Variants in DOCK1 observed in about 807,000 individuals in gnomAD.
DOCK1 encodes dedicator of cytokinesis 1.
DOCK1 carries 138 observed loss-of-function variants against 262.7 expected under a neutral mutation model. The ratio of observed to expected loss-of-function variants is 0.53; its 90% CI spans 0.46 to 0.61. DOCK1 has a LOEUF of 0.61. Ranked by LOEUF, DOCK1 falls within the 20% of genes least tolerant of loss-of-function variation. DOCK1 has a pLI of 0.00. For synonymous variants in DOCK1, 866 were observed against 867.4 expected, an observed-to-expected ratio of 1.00 and a Z score of 0.03; for missense variants, 1,908 against 2,370.7, an observed-to-expected ratio of 0.80 and a Z score of 4.05.
chr10:127,004,906 C>G (rs940234137), intron 10 of DOCK1, among the ~76,000 whole-genome samples: 1 of 152,096 alleles, frequency 6.6e-6, no homozygotes. Context: ...TTTGCTGCCA[C>G]CAGACTACCT....
At chr10:127,335,407 A>C (rs2063146754) in intron 29 of DOCK1, among the ~76,000 whole-genome samples, 1 of 152,190 alleles carries the variant, frequency 6.6e-6, no homozygotes, top group Admixed American at 6.5e-5. Flanking sequence ...CCTCCCATCC[A>C]AACACTTGGC....
At chr10:127,062,544 CT>C (rs1247628606) in intron 23 of DOCK1, among the ~76,000 whole-genome samples, 1 of 152,186 alleles carries the variant, frequency 6.6e-6, no homozygotes, top group East Asian at 1.9e-4. Context: ...GAAGGGCTTC[CT>C]GTGGCTGAGC....
intron 29 of DOCK1, among the ~76,000 whole-genome samples, chr10:127,282,098 G>A (rs1217302465): frequency 6.6e-6 from 1 of 152,186 alleles, no homozygotes; most frequent in Non-Finnish European, 1.5e-5. Flanking sequence ...GCCATCCTGG[G>A]CCACATGTGA....
chr10:127,404,250 A>C (rs1461265482), intron 39 of DOCK1, 75 bp from the exon 40 acceptor site: 1 of 1,292,886 alleles, frequency 7.7e-7, no homozygotes, highest in Admixed American at 2.0e-5. Flanking sequence ...GCTTTTAAAG[A>C]GCCCGCAAGA....
intron 29 of DOCK1, among the ~76,000 whole-genome samples, chr10:127,260,780 G>GGT (rs754489261): frequency 1.2e-5 from 1 of 81,752 alleles, no homozygotes; most frequent in African/African-American, 5.3e-5. Flanking sequence ...TGTGCATGTG[G>GGT]GTGTGTGTGT....
At chr10:127,449,577 T>A (rs998386100) in intron 51 of DOCK1, among the ~76,000 whole-genome samples, 1 of 152,148 alleles carries the variant, frequency 6.6e-6, no homozygotes, top group Non-Finnish European at 1.5e-5. Context: ...GTGTCTTTGG[T>A]CTTTGTTTCT....
rs34450374 is a variant in DOCK1 at position 127,206,136 on chromosome 10, C to CTTTTTT, written c.2848-41852_2848-41847dup. On this transcript the variant is annotated intron_variant, in intron 27 of 51. Coordinates refer to ENST00000623213, the MANE Select transcript of DOCK1 (RefSeq NM_001290223.2). ...GTCATCTACCATATATTCTTCTTCTCTTTTTTTTTTTTTTTTTTTTTTTTT... is the reference window on the plus strand; with the variant it reads ...GTCATCTACCATATATTCTTCTTCTCTTTTTTTTTTTTTTTTTTTTTTTTTTTTTTT... Among the ~76,000 whole-genome samples, 402 of 78,730 alleles carry CTTTTTT rather than the reference C, an allele frequency of 5.1e-3. 1 individual carries two copies. The highest frequency in any genetic ancestry group is 6.3e-3 in the South Asian group (10 of 1,594). 51.6% of individuals were successfully genotyped at this position (78,730 alleles called of 152,430 possible). A position where few individuals can be genotyped will look rare whatever the true frequency, so the allele number is the denominator to read the frequency against.
At chr10:126,919,823 C>G (rs1436924515) in intron 1 of DOCK1, among the ~76,000 whole-genome samples, 2 of 152,244 alleles carry the variant, frequency 1.3e-5, no homozygotes, top group Non-Finnish European at 2.9e-5. Context: ...CTGTTGCTTT[C>G]TCTCTTCCCA....
chr10:127,423,467 A>AC (rs1398983384), intron 46 of DOCK1, among the ~76,000 whole-genome samples: 1 of 152,164 alleles, frequency 6.6e-6, no homozygotes, highest in Non-Finnish European at 1.5e-5. Context: ...GTCAGGGTGC[A>AC]CACTGTGTGG....
chr10:127,389,929 G>T (rs537580058), intron 38 of DOCK1, among the ~76,000 whole-genome samples: 15 of 151,572 alleles, frequency 9.9e-5, no homozygotes, highest in African/African-American at 3.4e-4. Flanking sequence ...CATGAGAATC[G>T]CTTGAACCTG....
At chr10:127,410,642 GA>G (rs2067790252) in intron 42 of DOCK1, among the ~76,000 whole-genome samples, 197 bp from the exon 43 acceptor site, 2 of 152,166 alleles carry the variant, frequency 1.3e-5, no homozygotes, top group South Asian at 4.1e-4. Context: ...GGACAGGGAA[GA>G]GGCAAAAACT....
intron 22 of DOCK1, among the ~76,000 whole-genome samples, chr10:127,058,470 C>G (rs2045318826): frequency 6.6e-6 from 1 of 152,094 alleles, no homozygotes; most frequent in African/African-American, 2.4e-5. Context: ...GTCTGACAAG[C>G]TTCTTAATTG....
intron 27 of DOCK1, among the ~76,000 whole-genome samples, chr10:127,144,636 T>C (rs956557770): frequency 2.0e-5 from 3 of 152,236 alleles, no homozygotes; most frequent in East Asian, 1.9e-4. Context: ...ATTCTGTCTA[T>C]AGAATTTGTT....
intron 29 of DOCK1, among the ~76,000 whole-genome samples, chr10:127,308,045 C>G (rs1052323132): frequency 1.3e-5 from 2 of 152,230 alleles, no homozygotes; most frequent in Admixed American, 1.3e-4. Context: ...CTTCTTTCTG[C>G]TGGATGACGT....
At chr10:127,295,464 A>T (rs764411639) in intron 29 of DOCK1, among the ~76,000 whole-genome samples, 4 of 152,116 alleles carry the variant, frequency 2.6e-5, no homozygotes, top group Admixed American at 1.3e-4. Context: ...TGGGGGTCAC[A>T]TTTCAACATG....
intron 26 of DOCK1, 109 bp downstream of exon 26, chr10:127,125,710 A>T: frequency 4.2e-6 from 6 of 1,422,878 alleles, no homozygotes; most frequent in East Asian, 2.6e-5. Flanking sequence ...TTTAAGGTCT[A>T]GCCTCTCTTT....
Position 127,089,087 on chromosome 10 carries a change from G to A in DOCK1, c.2446-17144G>A, listed in dbSNP as rs543960200. 5.9e-5 allele frequency among the ~76,000 whole-genome samples: 9 copies of A among 152,308 alleles called. No individual in the cohort carries two copies. The East Asian group carries it at 1.2e-3, about 20-fold the overall frequency. ...CTCCAGACTCCTGAGGAAGCTAGGC[G>A]GCTCCCCTGTGTCACCTCGGCTCTG... On this transcript the variant is annotated intron_variant, in intron 23 of 51. Transcript: ENST00000623213.
At chr10:127,332,361 AAAAAG>A (rs1450557639) in intron 29 of DOCK1, among the ~76,000 whole-genome samples, 2 of 152,230 alleles carry the variant, frequency 1.3e-5, no homozygotes, top group Non-Finnish European at 2.9e-5. Context: ...TATTGATTTG[AAAAAG>A]AAAAGAAAGG....
At chr10:127,216,872 T>C (rs1435838190) in intron 27 of DOCK1, among the ~76,000 whole-genome samples, 1 of 152,166 alleles carries the variant, frequency 6.6e-6, no homozygotes, top group Non-Finnish European at 1.5e-5. Context: ...TTACCACAGA[T>C]GTGACTTTTT....
Sources: allele counts gnomAD v4.1 joint callset (sites outside exome capture counted in the v4.1 genomes callset), GRCh38; gene constraint gnomAD v4.1.1; transcripts MANE v1.5; gene names NCBI Gene and HGNC (gene_info 2026-07-23, HGNC 2026-07-21).